Variants in RAPGEF2 observed in about 807,000 individuals in gnomAD.
RAPGEF2 encodes the protein PDZ domain containing guanine nucleotide exchange factor (GEF) 1.
In RAPGEF2, 54 loss-of-function variants were observed where a neutral mutation model predicts 186.7. That is an observed-to-expected ratio of 0.29 (90% CI 0.23 to 0.36). The LOEUF (loss-of-function observed/expected upper bound fraction) is 0.36. Among genes scored for constraint, RAPGEF2 ranks in the 10% least tolerant of loss-of-function variants. The probability of loss-of-function intolerance (pLI) is 1.00; values close to 1 mark genes in which losing one functional copy is unlikely to be tolerated. For synonymous variants in RAPGEF2, 712 were observed against 705.9 expected, an observed-to-expected ratio of 1.01 and a Z score of -0.14; for missense variants, 1,532 against 2,045.0, an observed-to-expected ratio of 0.75 and a Z score of 4.84.
Position 159,163,926 on chromosome 4 carries a change from A to G in RAPGEF2, c.70-22716A>G, listed in dbSNP as rs1455197953. 5.9e-5 allele frequency among the ~76,000 whole-genome samples: 9 copies of G among 152,214 alleles called. No homozygotes were observed. The East Asian group carries it at 1.7e-3, about 29-fold the overall frequency. The stretch of plus-strand genomic sequence containing the variant: ...AAACTTAGGTTGTATCTCACATATC[A>G]GGGCTACTTGTGAGGTTTCATAAAA... On this transcript the variant is annotated intron_variant, in intron 1 of 29. Transcript: ENST00000691494.
In RAPGEF2 at chr4:159,358,377, C is replaced by A; in HGVS notation, c.*238C>A. ...ACTTTGTTGCTTGAAATGCACAGTG[C>A]AGCAATCTTCGAGCTCCCACTGTTG... On this transcript the variant is annotated 3_prime_UTR_variant, in exon 30 of 30. Transcript: ENST00000691494. 2.2e-6 allele frequency: 1 copy of A among 445,108 alleles called. No individual in the cohort carries two copies. Among genetic ancestry groups the A allele is most frequent in the Non-Finnish European group, 3.9e-6 (1 of 253,214 alleles). 27.6% of individuals were successfully genotyped at this position (445,108 alleles called of 1,614,324 possible). A position where few individuals can be genotyped will look rare whatever the true frequency, so the allele number is the denominator to read the frequency against.
intron 7 of RAPGEF2, among the ~76,000 whole-genome samples, chr4:159,257,003 T>C (rs772435585): frequency 2.6e-5 from 4 of 152,240 alleles, no homozygotes; most frequent in Non-Finnish European, 5.9e-5. Context: ...CTATTCACTC[T>C]GATGATAGTC....
At chr4:159,265,871 T>C (rs1057291112) in intron 7 of RAPGEF2, among the ~76,000 whole-genome samples, 4 of 152,072 alleles carry the variant, frequency 2.6e-5, no homozygotes, top group Non-Finnish European at 5.9e-5. Context: ...AATAAACAGA[T>C]GTTGTGATGG....
At chr4:159,232,301 A>G (rs2111441334) in intron 4 of RAPGEF2, among the ~76,000 whole-genome samples, 1 of 152,142 alleles carries the variant, frequency 6.6e-6, no homozygotes, top group Non-Finnish European at 1.5e-5. Context: ...GCTTTCTCCA[A>G]CTCTTGGCAA....
intron 4 of RAPGEF2, among the ~76,000 whole-genome samples, chr4:159,223,693 C>G (rs2111411390): frequency 6.6e-6 from 1 of 152,232 alleles, no homozygotes; most frequent in East Asian, 1.9e-4. Flanking sequence ...GTATACGTAT[C>G]AGAGACATAT....
chr4:159,213,180 T>C (rs1280661650), intron 4 of RAPGEF2, among the ~76,000 whole-genome samples: 1 of 152,190 alleles, frequency 6.6e-6, no homozygotes, highest in Non-Finnish European at 1.5e-5. Flanking sequence ...CTTGTTTCCT[T>C]TGGGGATGTT....
chr4:159,264,380 T>G (rs1757202338), intron 7 of RAPGEF2, among the ~76,000 whole-genome samples: 1 of 152,160 alleles, frequency 6.6e-6, no homozygotes, highest in South Asian at 2.1e-4. Flanking sequence ...TTGAGATAAG[T>G]CACACATTTT....
intron 6 of RAPGEF2, among the ~76,000 whole-genome samples, chr4:159,242,256 G>C (rs1293246938): frequency 6.6e-6 from 1 of 151,178 alleles, no homozygotes; most frequent in Non-Finnish European, 1.5e-5. Context: ...TAAATGAGTG[G>C]TTATTTTATG....
intron 1 of RAPGEF2, among the ~76,000 whole-genome samples, chr4:159,144,879 G>GTTGTTTTTTTTT (rs1742749389): frequency 1.1e-5 from 1 of 92,338 alleles, no homozygotes; most frequent in Non-Finnish European, 2.0e-5. Flanking sequence ...CTTTCTTCCT[G>GTTGTTTTTTTTT]TTTTTTTTTT....
At chr4:159,216,309 G>A (rs933282071) in intron 4 of RAPGEF2, among the ~76,000 whole-genome samples, 5 of 152,060 alleles carry the variant, frequency 3.3e-5, no homozygotes, top group African/African-American at 9.7e-5. Flanking sequence ...TAAGTTGTAC[G>A]GTGTAAATTG....
chr4:159,113,057 A>AT (rs1738665971), intron 1 of RAPGEF2, among the ~76,000 whole-genome samples: 2 of 152,202 alleles, frequency 1.3e-5, no homozygotes, highest in African/African-American at 2.4e-5. Context: ...ATTTAAGGAC[A>AT]TTTTACAAAA....
At chr4:159,147,363 CA>C (rs200631046) in intron 1 of RAPGEF2, among the ~76,000 whole-genome samples, 3,125 of 149,482 alleles carry the variant, frequency 0.021, 104 homozygotes, top group African/African-American at 0.072. Flanking sequence ...CAGTTTTGCA[CA>C]AAAATACCTT....
Position 159,304,358 on chromosome 4 carries a change from C to T in RAPGEF2, c.560C>T (p.Thr187Ile). ...CTKSQLPADF[T>I]KLHLTDSLHP... ...CTTCCATAGCTTCCTGCAGATTTCA[C>T]AAAACTGCATCTTACTGACAGTCTC... Residue 187 changes from threonine (T) to isoleucine (I), a missense_variant, in exon 8 of 30, where the codon ACA (threonine) becomes ATA (isoleucine). By Grantham distance (89) the Thr-to-Ile change is moderately conservative. This residue lies in a region of RAPGEF2 where 810 missense variants were observed against 1,210.5 expected (regional missense o/e 0.67). Coordinates refer to ENST00000691494, the MANE Select transcript of RAPGEF2 (RefSeq NM_001394067.2). The T allele has an allele frequency of 6.2e-7, 1 of 1,605,244 alleles. No individual in the cohort carries two copies. The highest frequency in any genetic ancestry group is 1.1e-5 in the South Asian group (1 of 90,304).
At chr4:159,211,801 A>G (rs559488854) in intron 4 of RAPGEF2, among the ~76,000 whole-genome samples, 27 of 152,328 alleles carry the variant, frequency 1.8e-4, no homozygotes, top group African/African-American at 6.0e-4. Flanking sequence ...ATTGGCAAAC[A>G]TAGTCTCTTT....
At chr4:159,184,116 C>T (rs1411818134) in intron 1 of RAPGEF2, among the ~76,000 whole-genome samples, 3 of 152,140 alleles carry the variant, frequency 2.0e-5, no homozygotes, top group Admixed American at 6.5e-5. Flanking sequence ...GTGTATGTGC[C>T]ACATTTTCTT....
Position 159,186,224 on chromosome 4 carries a change from A to T in RAPGEF2, c.70-418A>T, listed in dbSNP as rs564769771. Among the ~76,000 whole-genome samples the T allele has an allele frequency of 1.1e-4, 16 of 152,134 alleles. No individual in the cohort carries two copies. The South Asian group carries it at 3.3e-3, about 32-fold the overall frequency. On this transcript the variant is annotated intron_variant, in intron 1 of 29. Coordinates refer to ENST00000691494, the MANE Select transcript of RAPGEF2 (RefSeq NM_001394067.2). ...AAGAATTGAAAAAAATTGAATTTAT[A>T]TCCATTTTTAAGTGTAGCCAGGAAA...
At chr4:159,332,096 A>G (rs1267380361) in intron 16 of RAPGEF2, 62 bp downstream of exon 16, 1 of 1,076,188 alleles carries the variant, frequency 9.3e-7, no homozygotes, top group East Asian at 2.5e-5. Context: ...TATTTCAAAC[A>G]TCATAAGAAA....
At chr4:159,104,837 C>T (rs1338944596) in intron 1 of RAPGEF2, among the ~76,000 whole-genome samples, 5 of 152,082 alleles carry the variant, frequency 3.3e-5, no homozygotes, top group Admixed American at 6.5e-5. Flanking sequence ...TACTGTTTTG[C>T]TTTTATTTTT....
intron 7 of RAPGEF2, among the ~76,000 whole-genome samples, chr4:159,277,281 C>T (rs1310750038): frequency 6.6e-6 from 1 of 152,118 alleles, no homozygotes; most frequent in Non-Finnish European, 1.5e-5. Flanking sequence ...ACATAGTATT[C>T]CATGGTGTAT....
Sources: allele counts gnomAD v4.1 joint callset (sites outside exome capture counted in the v4.1 genomes callset), GRCh38; gene constraint gnomAD v4.1.1; regional missense constraint gnomAD v4.1.1; transcripts MANE v1.5; gene names NCBI Gene and HGNC (gene_info 2026-07-23, HGNC 2026-07-21).